The following ZNF827 variants were observed in gnomAD, a reference collection of about 807,000 sequenced individuals.
ZNF827 encodes the protein zinc finger protein 827.
ZNF827 carries 13 observed loss-of-function variants against 102.4 expected under a neutral mutation model. The observed-to-expected ratio is 0.13, with a 90% CI of 0.08 to 0.20. The LOEUF is 0.20. ZNF827 is among the 10% of genes least tolerant of loss of function. The probability of loss-of-function intolerance (pLI) is 1.00; values close to 1 mark genes in which losing one functional copy is unlikely to be tolerated. For missense variants in ZNF827, 1,103 were observed against 1,344.4 expected, an observed-to-expected ratio of 0.82 and a Z score of 2.81; for synonymous variants, 523 against 536.2, an observed-to-expected ratio of 0.98 and a Z score of 0.34.
chr4:145,813,120 C>T (rs1742208918), intron 8 of ZNF827, among the ~76,000 whole-genome samples: 4 of 152,118 alleles, frequency 2.6e-5, no homozygotes, highest in Admixed American at 2.6e-4. Context: ...CATCTATCAA[C>T]ATTATCATGG....
intron 1 of ZNF827, among the ~76,000 whole-genome samples, chr4:145,936,818 G>A (rs1169692775): frequency 1.3e-5 from 2 of 152,130 alleles, no homozygotes; most frequent in Non-Finnish European, 2.9e-5. Context: ...CCTGACACCC[G>A]GGCGGGCGGG....
chr4:145,761,148 G>T lies in ZNF827; in HGVS notation c.*468C>A. 7.8e-7 allele frequency: 1 copy of T among 1,289,818 alleles called. No individual in the cohort carries two copies. The highest frequency in any genetic ancestry group is 1.0e-6 in the Non-Finnish European group (1 of 988,838). 79.9% of individuals were successfully genotyped at this position (1,289,818 alleles called of 1,614,324 possible). On this transcript the variant is annotated 3_prime_UTR_variant, in exon 15 of 15. Transcript: ENST00000508784. This position sits in a 1 kb window ranked among gnomAD's most constrained non-coding sequence, Gnocchi z 6.8. ...GGGCCCCCGGGCCGGCCGGTTCCTT[G>T]GGGGCTGGACACAGGCCCTTCTTGT...
rs559526485 is a variant in ZNF827 at position 145,773,766 on chromosome 4, G to A, written c.2860+740C>T. 1.1e-4 allele frequency among the ~76,000 whole-genome samples: 16 copies of A among 152,332 alleles called. No individual in the cohort carries two copies. In the East Asian group the frequency reaches 1.2e-3, roughly 11 times the overall value. ...AGACAGTGATGGGTTTGTTTCAGGA[G>A]AATCTGGTTTTCTTTGGCCGCGAAC... is the stretch of plus-strand genomic sequence containing the variant. On this transcript the variant is annotated intron_variant, in intron 11 of 14. Coordinates refer to ENST00000508784, the MANE Select transcript of ZNF827 (RefSeq NM_001306215.2).
At chr4:145,917,662 T>C (rs967300747) in intron 1 of ZNF827, among the ~76,000 whole-genome samples, 36 of 129,520 alleles carry the variant, frequency 2.8e-4, no homozygotes, top group African/African-American at 1.1e-3. Flanking sequence ...CATGCTCTAC[T>C]GCTACTTTGG....
chr4:145,914,937 A>G (rs184190170), intron 1 of ZNF827, among the ~76,000 whole-genome samples: 6 of 152,350 alleles, frequency 3.9e-5, no homozygotes, highest in Admixed American at 2.0e-4. Flanking sequence ...CATCCCCAAT[A>G]AAACTCGGAT....
intron 1 of ZNF827, among the ~76,000 whole-genome samples, chr4:145,923,595 T>A (rs756822531): frequency 6.6e-6 from 1 of 151,804 alleles, no homozygotes; most frequent in Non-Finnish European, 1.5e-5. Context: ...AGAGGGAGAC[T>A]CCATCTCAAA....
intron 7 of ZNF827, among the ~76,000 whole-genome samples, chr4:145,835,680 T>C (rs1005191095): frequency 3.5e-5 from 5 of 144,568 alleles, no homozygotes; most frequent in Admixed American, 7.0e-5. Context: ...CGACCGATCA[T>C]GCACCCCTTA....
chr4:145,881,097 A>G (rs1749621960), intron 4 of ZNF827, among the ~76,000 whole-genome samples: 1 of 152,276 alleles, frequency 6.6e-6, no homozygotes, highest in Admixed American at 6.5e-5. Flanking sequence ...GCTTAAAAGC[A>G]GGTGAAATAG....
At chr4:145,830,648 T>A (rs921427492) in intron 7 of ZNF827, 1 of 152,222 alleles carries the variant, frequency 6.6e-6, no homozygotes, top group South Asian at 2.1e-4. Context: ...TTTCTTTTCA[T>A]ATATTTATAT....
chr4:145,885,915 A>T lies in ZNF827; in HGVS notation c.1510T>A (p.Ser504Thr). ...TGGCTAGTCCTCTCTGGAGTGTTAG[A>T]CGTCATCATGGTCCCCACTAGCTCT... Reference protein sequence around the residue: ...GTELVGTMMTSNTPERTSQGG... With the variant: ...GTELVGTMMTTNTPERTSQGG... The change falls in exon 4 of 15, where the codon TCT becomes ACT. Residue 504 changes from serine (S) to threonine (T), a missense_variant. Around this residue, in one of 5 missense-constraint regions of ZNF827, gnomAD observed 157 missense variants for 211.7 expected, o/e 0.74. Coordinates refer to ENST00000508784, the MANE Select transcript of ZNF827 (RefSeq NM_001306215.2). 1.2e-6 allele frequency: 2 copies of T among 1,614,182 alleles called. No individual in the cohort carries two copies. Among genetic ancestry groups the T allele is most frequent in the South Asian group, 2.2e-5 (2 of 91,082 alleles).
chr4:145,933,580 A>G (rs781375304), intron 1 of ZNF827, among the ~76,000 whole-genome samples: 7 of 152,256 alleles, frequency 4.6e-5, no homozygotes, highest in Non-Finnish European at 7.3e-5. Context: ...TGAAGAACAC[A>G]ATAACCTGAT....
chr4:145,862,539 A>T (rs923662085), intron 5 of ZNF827, among the ~76,000 whole-genome samples: 3 of 152,134 alleles, frequency 2.0e-5, no homozygotes, highest in Non-Finnish European at 2.9e-5. Flanking sequence ...TATATATATA[A>T]AATTGCTCAC....
chr4:145,917,290 T>C (rs996729862), intron 1 of ZNF827, among the ~76,000 whole-genome samples: 1 of 152,162 alleles, frequency 6.6e-6, no homozygotes, highest in Admixed American at 6.5e-5. Flanking sequence ...GACCAGATAA[T>C]TTGTAAAGAA....
At chr4:145,861,930 G>A (rs185461783) in intron 5 of ZNF827, among the ~76,000 whole-genome samples, 115 of 152,314 alleles carry the variant, frequency 7.6e-4, no homozygotes, top group Non-Finnish European at 9.0e-4. Context: ...GCCCTTTTGA[G>A]TCTGGTCTTT....
At chr4:145,783,065 C>T (rs529635545) in intron 8 of ZNF827, among the ~76,000 whole-genome samples, 32 of 142,734 alleles carry the variant, frequency 2.2e-4, no homozygotes, top group Non-Finnish European at 4.3e-4. Flanking sequence ...TACATATCTT[C>T]TATAAGCCAT....
chr4:145,820,150 G>A (rs1474955102), intron 8 of ZNF827: 1 of 152,690 alleles, frequency 6.5e-6, no homozygotes, highest in African/African-American at 2.4e-5. Context: ...TGGCCCAGCA[G>A]CTGTTACACC....
At chr4:145,774,108 C>T (rs759067181) in intron 11 of ZNF827, among the ~76,000 whole-genome samples, 4 of 152,134 alleles carry the variant, frequency 2.6e-5, no homozygotes, top group Non-Finnish European at 4.4e-5. Flanking sequence ...TGTTTCTTCA[C>T]CTGTACTGTA....
intron 4 of ZNF827, chr4:145,870,682 G>GA (rs532794759): frequency 4.8e-4 from 242 of 506,532 alleles, no homozygotes; most frequent in African/African-American, 3.9e-3. Flanking sequence ...GTGGGCTTCT[G>GA]AATCTTTTGA....
intron 8 of ZNF827, among the ~76,000 whole-genome samples, chr4:145,798,520 G>T (rs967663288): frequency 2.0e-5 from 3 of 152,126 alleles, no homozygotes; most frequent in Admixed American, 6.5e-5. Context: ...ACAAAAATTA[G>T]CTAGGTGTGG....
Sources: gnomAD v4.1 joint callset for allele counts (sites outside exome capture counted in the v4.1 genomes callset) on GRCh38, gnomAD v4.1.1 for gene constraint, gnomAD v4.1.1 regional missense constraint, Gnocchi (gnomAD v3.1) non-coding constraint, MANE v1.5 for transcripts, NCBI Gene and HGNC (gene_info 2026-07-23, HGNC 2026-07-21) for gene names.